GPR153: variants seen among roughly 807,000 people sequenced by gnomAD.
The protein encoded by GPR153 is G protein-coupled receptor 153, also known as probable G protein-coupled receptor 153.
A neutral mutation model predicts 34.1 loss-of-function variants in GPR153; 27 were observed. That is an observed-to-expected ratio of 0.79 (90% CI 0.58 to 1.09). The LOEUF is 1.09. GPR153 is among the 50% of genes least tolerant of loss of function. The probability of loss-of-function intolerance (pLI) is 0.00; values close to 1 mark genes in which losing one functional copy is unlikely to be tolerated. For missense variants in GPR153, 848 were observed against 860.2 expected, an observed-to-expected ratio of 0.99 and a Z score of 0.18; for synonymous variants, 408 against 405.4, an observed-to-expected ratio of 1.01 and a Z score of -0.08.
rs551580440 is a variant in GPR153, at chr1:6,252,573, G to A, written c.787-1043C>T. Among the ~76,000 whole-genome samples, 5 of 152,254 alleles carry A rather than the reference G, an allele frequency of 3.3e-5. No individual in the cohort carries two copies. The South Asian group carries it at 8.3e-4, about 25-fold the overall frequency. On this transcript the variant is annotated intron_variant, in intron 3 of 5. Coordinates refer to ENST00000377893, the MANE Select transcript of GPR153 (RefSeq NM_207370.4). ...GGCCTGCTGGGGGTGGGGCAGTGGG[G>A]GCTGCCTCCTGAGCAAGGCCCTGAC...
rs1638397081 is a variant in GPR153, at chr1:6,249,815, G to A, written c.1353C>T (p.Arg451=). Residue 451 remains arginine, a synonymous_variant, in exon 6 of 6, where the codon CGC becomes CGT. Coordinates refer to ENST00000377893, the MANE Select transcript of GPR153 (RefSeq NM_207370.4). This position sits in a 1 kb window ranked among gnomAD's most constrained non-coding sequence, Gnocchi z 4.3. ...LAFAEDAPPS[R]ARRRSAESLL... ...GGCTCTCGGCCGAGCGGCGGCGCGC[G>A]CGGGACGGTGGTGCGTCCTCCGCGA... The A allele has an allele frequency of 2.5e-6, 3 of 1,204,334 alleles. No homozygotes were observed. Among genetic ancestry groups the A allele is most frequent in the East Asian group, 7.2e-5 (2 of 27,782 alleles). The allele number at this position is 1,204,334 out of a possible 1,614,324, so 74.6% of individuals were successfully genotyped here. A position where few individuals can be genotyped will look rare whatever the true frequency, so the allele number is the denominator to read the frequency against.
intron 3 of GPR153, among the ~76,000 whole-genome samples, chr1:6,252,428 C>T (rs528018693): frequency 6.6e-6 from 1 of 152,320 alleles, no homozygotes; most frequent in East Asian, 1.9e-4. Flanking sequence ...TGCCCCCACT[C>T]TGCTCCCGAG....
chr1:6,254,718 G>C lies in GPR153; in HGVS notation c.188C>G (p.Thr63Ser). Residue 63 changes from threonine to serine, a missense_variant, in exon 2 of 6, where the codon ACC becomes AGC. Transcript: ENST00000377893. ...CCGCCGCAGCTGCACCACGGAGTAGGTGGCGATGGGCACGGCCACATTTAG... is the reference window on the plus strand; with the variant it reads ...CCGCCGCAGCTGCACCACGGAGTAGCTGGCGATGGGCACGGCCACATTTAG... ...HMLNVAVPIA[T>S]YSVVQLRRQR... 1 of 1,613,814 alleles carries C rather than the reference G, an allele frequency of 6.2e-7. No individual in the cohort carries two copies. The highest frequency in any genetic ancestry group is 8.5e-7 in the Non-Finnish European group (1 of 1,179,922).
chr1:6,254,452 A>G, intron 2 of GPR153, 98 bp downstream of exon 2: 1 of 1,112,228 alleles, frequency 9.0e-7, no homozygotes. Context: ...AGCATGCCAC[A>G]GGTGTGGCCA....
rs74482647 is a variant in GPR153 at position 6,254,623 on chromosome 1, G to A, written c.283C>T (p.Leu95=). ...VFVSTFYTLT[L]ATCFSVTSLS... is the part of the protein sequence containing the mutation. Reference sequence around the variant, plus strand: ...GAGGTGACAGAGAAACAGGTGGCCAGGGTGAGGGTGTAGAAGGTGGACACG... The same window carrying A: ...GAGGTGACAGAGAAACAGGTGGCCAAGGTGAGGGTGTAGAAGGTGGACACG... The change falls in exon 2 of 6, where the codon CTG becomes TTG. Residue 95 remains leucine, a synonymous_variant. Coordinates refer to ENST00000377893, the MANE Select transcript of GPR153 (RefSeq NM_207370.4). The A allele has an allele frequency of 3.4e-3, 5,441 of 1,612,416 alleles. 162 individuals are homozygous for A. The African/African-American group carries it at 0.062, about 18-fold the overall frequency.
In GPR153 at chr1:6,251,534, T is replaced by G. The variant is rs750201501; in HGVS notation, c.787-4A>C. On this transcript the variant is annotated splice_region_variant and splice_polypyrimidine_tract_variant and intron_variant, in intron 3 of 5. Transcript: ENST00000377893. This position sits in a 1 kb window ranked among gnomAD's most constrained non-coding sequence, Gnocchi z 4.9. ...GCAGGCTGCTGAAGCTCACCACCTGTGGGCACAGGGCTCGGCCTGGCACCT... is the reference window on the plus strand; with the variant it reads ...GCAGGCTGCTGAAGCTCACCACCTGGGGGCACAGGGCTCGGCCTGGCACCT... The G allele has an allele frequency of 6.3e-7, 1 of 1,588,526 alleles. No homozygotes were observed. The highest frequency in any genetic ancestry group is 1.1e-5 in the South Asian group (1 of 88,512).
chr1:6,259,318 G>A (rs899804448), intron 1 of GPR153, among the ~76,000 whole-genome samples: 2 of 152,096 alleles, frequency 1.3e-5, no homozygotes, highest in African/African-American at 4.8e-5. Flanking sequence ...CTTGCACACG[G>A]GCATGCTCCT....
In GPR153 at chr1:6,249,921, C is replaced by A. The variant is rs1436336175; in HGVS notation, c.1247G>T (p.Gly416Val). ...VPLPAFLPRW[G>V]SGEDLAALAH... ...CAGGGCGGCCAGGTCCTCGCCGGAG[C>A]CCCAGCGCGGCAGGAAGGCGGGCAG... The change falls in exon 6 of 6, where the codon GGC becomes GTC. Residue 416 changes from glycine (G) to valine (V), a missense_variant. By Grantham distance (109) the Gly-to-Val change is moderately radical. Transcript: ENST00000377893. This position sits in a 1 kb window ranked among gnomAD's most constrained non-coding sequence, Gnocchi z 4.3. 7.8e-7 allele frequency: 1 copy of A among 1,285,538 alleles called. No homozygotes were observed. Among genetic ancestry groups the A allele is most frequent in the Non-Finnish European group, 9.9e-7 (1 of 1,012,116 alleles). 79.6% of individuals were successfully genotyped at this position (1,285,538 alleles called of 1,614,324 possible). A position where few individuals can be genotyped will look rare whatever the true frequency, so the allele number is the denominator to read the frequency against.
rs1638508032 is a variant in GPR153 at position 6,253,997 on chromosome 1, G to A, written c.507C>T (p.Gly169=). ...GCAGGAAGCAGACGCCAAAGCCCAG[G>A]CCGATCTCAGCCACGATGAAGCGGC... The part of the protein sequence containing the change: ...HGCRFIVAEI[G]LGFGVCFLLL... Residue 169 remains glycine (G), a synonymous_variant, in exon 3 of 6, where the codon GGC becomes GGT. Coordinates refer to ENST00000377893, the MANE Select transcript of GPR153 (RefSeq NM_207370.4). 1.9e-6 allele frequency: 3 copies of A among 1,613,374 alleles called. No homozygotes were observed. Among genetic ancestry groups the A allele is most frequent in the Admixed American group, 1.7e-5 (1 of 60,026 alleles).
intron 5 of GPR153, 62 bp from the exon 6 acceptor site, chr1:6,250,065 TCTC>T (rs1638406934): frequency 7.9e-7 from 1 of 1,266,470 alleles, no homozygotes. Flanking sequence ...GACAAACCCT[TCTC>T]CACCCTGGGG....
rs1638329392 is a variant in GPR153, at chr1:6,247,609, G to GT, written c.*1728dup. 6.6e-6 allele frequency: 1 copy of GT among 152,254 alleles called. No homozygotes were observed. The highest frequency in any genetic ancestry group is 2.1e-4 in the South Asian group (1 of 4,832). The allele number at this position is 152,254 out of a possible 1,614,324, so 9.4% of individuals were successfully genotyped here. A position where few individuals can be genotyped will look rare whatever the true frequency, so the allele number is the denominator to read the frequency against. ...TTTAGAGGACTCTGTCCCCCTGCAA[G>GT]TATTGCCGTTGGATATGAAACACAC... On this transcript the variant is annotated 3_prime_UTR_variant, in exon 6 of 6. Transcript: ENST00000377893.
intron 3 of GPR153, among the ~76,000 whole-genome samples, chr1:6,253,414 ATAAAG>A (rs1472208957): frequency 2.6e-5 from 4 of 151,996 alleles, no homozygotes; most frequent in Non-Finnish European, 4.4e-5. Context: ...AAATAAATAA[ATAAAG>A]TAAAACAAAA....
At chr1:6,254,457 T>C in intron 2 of GPR153, 93 bp downstream of exon 2, 1 of 1,156,608 alleles carries the variant, frequency 8.6e-7, no homozygotes, top group Non-Finnish European at 1.2e-6. Flanking sequence ...GCCACAGGTG[T>C]GGCCACTCCT....
At chr1:6,257,266 G>A (rs1270721662) in intron 1 of GPR153, among the ~76,000 whole-genome samples, 1 of 152,196 alleles carries the variant, frequency 6.6e-6, no homozygotes. Context: ...ATCAGGCCAC[G>A]TAAGGACATG....
In GPR153 at chr1:6,250,424, C is replaced by T. The variant is rs200300456; in HGVS notation, c.1164+16G>A. 401 of 1,561,078 alleles carry T rather than the reference C, an allele frequency of 2.6e-4. No individual in the cohort carries two copies. Among genetic ancestry groups the T allele is most frequent in the Non-Finnish European group, 3.3e-4 (378 of 1,152,574 alleles). ...GTCACCCGCAGGTGCGGCCTCTCCC[C>T]CAGCCCTGCGCTCACCTGCAGGTAT... On this transcript the variant is annotated intron_variant, in intron 5 of 5. Coordinates refer to ENST00000377893, the MANE Select transcript of GPR153 (RefSeq NM_207370.4).
At position 6,249,241 on chromosome 1, in the gene GPR153, G is replaced by T. The variant is rs371142322; in HGVS notation, c.*97C>A. 636 of 909,560 alleles carry T rather than the reference G, an allele frequency of 7.0e-4. 9 individuals are homozygous for T. In the South Asian group the frequency reaches 0.015, roughly 21 times the overall value. The allele number at this position is 909,560 out of a possible 1,614,324, so 56.3% of individuals were successfully genotyped here. On this transcript the variant is annotated 3_prime_UTR_variant, in exon 6 of 6. Transcript: ENST00000377893. The surrounding 1 kb of genome is among the most constrained non-coding windows in gnomAD (Gnocchi z 4.3). The stretch of plus-strand genomic sequence containing the variant: ...CCCCCTCACCCCTGGGAGGGGTGGC[G>T]CATGTCTGCGCGCGGGGCGGAGGCG...
intron 1 of GPR153, among the ~76,000 whole-genome samples, chr1:6,258,183 C>G (rs1247402459): frequency 6.6e-6 from 1 of 152,098 alleles, no homozygotes; most frequent in Admixed American, 6.6e-5. Context: ...CTCTTATTAC[C>G]CAGGGTGGAT....
At position 6,255,014 on chromosome 1, in the gene GPR153, T is replaced by TC; in HGVS notation, c.-109-1dup. On this transcript the variant is annotated splice_region_variant and 5_prime_UTR_variant. It removes the in-frame stop codon of an upstream open reading frame in the 5' UTR. Transcript: ENST00000377893. ...TCAAGGATGCTGGGGACCACGAGCA[T>TC]CTGTGGGGGGGTGGCAGTGGGCACT... 1.3e-6 allele frequency: 1 copy of TC among 744,294 alleles called. No individual in the cohort carries two copies. The highest frequency in any genetic ancestry group is 2.1e-6 in the Non-Finnish European group (1 of 483,318). The allele number at this position is 744,294 out of a possible 1,614,324, so 46.1% of individuals were successfully genotyped here. A position where few individuals can be genotyped will look rare whatever the true frequency, so the allele number is the denominator to read the frequency against.
At chr1:6,255,846 GT>G (rs1638559594) in intron 1 of GPR153, among the ~76,000 whole-genome samples, 1 of 151,694 alleles carries the variant, frequency 6.6e-6, no homozygotes, top group Admixed American at 6.6e-5. Context: ...TAGAGATGGG[GT>G]TTCACCATGT....
Sources: allele counts gnomAD v4.1 joint callset (sites outside exome capture counted in the v4.1 genomes callset), GRCh38; gene constraint gnomAD v4.1.1; non-coding constraint Gnocchi (gnomAD v3.1); transcripts MANE v1.5; gene names NCBI Gene and HGNC (gene_info 2026-07-23, HGNC 2026-07-21).